The following ROBO2 variants were observed in gnomAD, a reference collection of about 807,000 sequenced individuals.
ROBO2 encodes the protein roundabout guidance receptor 2.
ROBO2 carries 53 observed loss-of-function variants against 160.8 expected under a neutral mutation model. The ratio of observed to expected loss-of-function variants is 0.33; its 90% confidence interval spans 0.26 to 0.41. The LOEUF (loss-of-function observed/expected upper bound fraction) is 0.41, where lower values mean the gene tolerates loss of function less well. Among genes scored for constraint, ROBO2 ranks in the 10% least tolerant of loss-of-function variants. ROBO2 has a pLI of 1.00. For missense variants in ROBO2, 1,577 were observed against 1,722.4 expected, an observed-to-expected ratio of 0.92 and a Z score of 1.49; for synonymous variants, 664 against 611.7, an observed-to-expected ratio of 1.09 and a Z score of -1.26.
intron 2 of ROBO2, among the ~76,000 whole-genome samples, chr3:77,390,211 C>G (rs1432508551): frequency 1.3e-5 from 2 of 152,130 alleles, no homozygotes; most frequent in Admixed American, 6.5e-5. Context: ...TTTTACTCGA[C>G]CTGTAGGTAA....
chr3:77,625,053 T>C (rs2094981665), intron 23 of ROBO2, among the ~76,000 whole-genome samples: 2 of 152,188 alleles, frequency 1.3e-5, no homozygotes, highest in Admixed American at 1.3e-4. Flanking sequence ...GCCCATTTTT[T>C]TGTAAAGAAA....
chr3:76,154,080 G>A (rs969090189), intron 2 of ROBO2, among the ~76,000 whole-genome samples: 7 of 152,114 alleles, frequency 4.6e-5, no homozygotes, highest in African/African-American at 7.2e-5. Context: ...CCAATATTGT[G>A]TGCTAAGTCA....
intron 2 of ROBO2, among the ~76,000 whole-genome samples, chr3:76,892,368 C>T (rs1347044062): frequency 1.3e-5 from 2 of 152,140 alleles, no homozygotes; most frequent in African/African-American, 2.4e-5. Flanking sequence ...ACACCAATTT[C>T]GACCTGTCAT....
chr3:76,596,483 G>GAC (rs1232370737), intron 2 of ROBO2, among the ~76,000 whole-genome samples: 1 of 152,100 alleles, frequency 6.6e-6, no homozygotes, highest in Non-Finnish European at 1.5e-5. Context: ...AACCCTCTCT[G>GAC]ACATTTACTA....
chr3:76,668,490 T>C lies in ROBO2; in HGVS notation c.110-429524T>C, dbSNP rs138159781. Among the ~76,000 whole-genome samples the C allele has an allele frequency of 8.3e-4, 127 of 152,270 alleles. 1 individual carries two copies. In the Middle Eastern group the frequency reaches 0.01, roughly 12 times the overall value. On this transcript the variant is annotated intron_variant, in intron 2 of 26. Transcript: ENST00000487694. Reference sequence around the variant, plus strand: ...GTCAATAAAACTTGTTAGATCTGGATAATTTATGTCCTACCCAAAGACATC... The same window carrying C: ...GTCAATAAAACTTGTTAGATCTGGACAATTTATGTCCTACCCAAAGACATC...
At chr3:77,170,281 G>C (rs1237915939) in intron 2 of ROBO2, among the ~76,000 whole-genome samples, 2 of 151,836 alleles carry the variant, frequency 1.3e-5, no homozygotes, top group Non-Finnish European at 2.9e-5. Flanking sequence ...GATAGTTATT[G>C]GGTATACAAC....
At chr3:76,713,514 C>T (rs1240461235) in intron 2 of ROBO2, among the ~76,000 whole-genome samples, 1 of 152,026 alleles carries the variant, frequency 6.6e-6, no homozygotes, top group Non-Finnish European at 1.5e-5. Context: ...GTTTAATATT[C>T]AAATGAGTGT....
chr3:76,749,903 T>A (rs9810516), intron 2 of ROBO2, among the ~76,000 whole-genome samples: 128 of 152,140 alleles, frequency 8.4e-4, no homozygotes, highest in Non-Finnish European at 1.6e-3. Flanking sequence ...TCTGCAACTA[T>A]TCCAATCGAC....
intron 2 of ROBO2, among the ~76,000 whole-genome samples, chr3:77,200,814 C>G (rs1047895107): frequency 6.6e-6 from 1 of 152,096 alleles, no homozygotes; most frequent in Non-Finnish European, 1.5e-5. Context: ...TATGGTTAAG[C>G]ACATTGTGTC....
At chr3:77,496,912 A>T (rs1305282925) in intron 5 of ROBO2, among the ~76,000 whole-genome samples, 1 of 152,042 alleles carries the variant, frequency 6.6e-6, no homozygotes, top group Non-Finnish European at 1.5e-5. Flanking sequence ...TCTTTTATTT[A>T]GTCTTAAACT....
chr3:77,236,795 T>C (rs956771264), intron 2 of ROBO2, among the ~76,000 whole-genome samples: 3 of 152,328 alleles, frequency 2.0e-5, no homozygotes, highest in Admixed American at 6.5e-5. Context: ...TATGGAATCA[T>C]ATAGGGTAGC....
intron 2 of ROBO2, among the ~76,000 whole-genome samples, chr3:77,424,087 C>A (rs552997046): frequency 6.6e-6 from 1 of 152,186 alleles, no homozygotes; most frequent in South Asian, 2.1e-4. Context: ...GGAGTTAAAG[C>A]TGATACAGCA....
chr3:77,369,084 A>C (rs542330135), intron 2 of ROBO2, among the ~76,000 whole-genome samples: 1 of 152,170 alleles, frequency 6.6e-6, no homozygotes, highest in East Asian at 1.9e-4. Context: ...CTGTTCATTC[A>C]AGAAAAGCCA....
intron 2 of ROBO2, among the ~76,000 whole-genome samples, chr3:76,778,760 C>T (rs1433425416): frequency 2.6e-5 from 4 of 151,024 alleles, no homozygotes; most frequent in African/African-American, 7.3e-5. Context: ...TAGCACAAGT[C>T]CTCCAATATC....
chr3:77,255,792 A>G (rs2058367719), intron 2 of ROBO2, among the ~76,000 whole-genome samples: 1 of 152,236 alleles, frequency 6.6e-6, no homozygotes, highest in Non-Finnish European at 1.5e-5. Context: ...GTTTTCATCT[A>G]GAAAAAATTT....
intron 2 of ROBO2, among the ~76,000 whole-genome samples, chr3:76,402,891 C>T (rs185420928): frequency 2.4e-4 from 37 of 151,666 alleles, no homozygotes; most frequent in African/African-American, 8.9e-4. Flanking sequence ...TCTCAAGGTC[C>T]TCAAATTTAA....
intron 2 of ROBO2, among the ~76,000 whole-genome samples, chr3:77,299,969 C>T (rs965552026): frequency 2.6e-5 from 4 of 151,688 alleles, no homozygotes; most frequent in Admixed American, 6.6e-5. Context: ...CAAATGTTTC[C>T]GTGTCACTCA....
chr3:76,630,044 T>A (rs1323446897), intron 2 of ROBO2, among the ~76,000 whole-genome samples: 2 of 152,216 alleles, frequency 1.3e-5, no homozygotes, highest in Non-Finnish European at 2.9e-5. Context: ...GCCTCCCCGC[T>A]TGGCTGACTT....
chr3:76,185,378 T>A (rs754280395), intron 2 of ROBO2, among the ~76,000 whole-genome samples: 1 of 151,820 alleles, frequency 6.6e-6, no homozygotes, highest in African/African-American at 2.4e-5. Flanking sequence ...TATTTTCACA[T>A]GTTTATTGGC....
Sources: gnomAD v4.1 joint callset for allele counts (sites outside exome capture counted in the v4.1 genomes callset) on GRCh38, gnomAD v4.1.1 for gene constraint, MANE v1.5 for transcripts, NCBI Gene and HGNC (gene_info 2026-07-23, HGNC 2026-07-21) for gene names.